The following BCL11B variants were observed in gnomAD, a reference collection of about 807,000 sequenced individuals.
The protein encoded by BCL11B is B-cell lymphoma/leukemia 11B.
Under a neutral mutation model 49.9 loss-of-function variants are expected in BCL11B, and 8 were observed. The observed-to-expected ratio is 0.16, with a 90% confidence interval of 0.09 to 0.29. The LOEUF is 0.29. BCL11B is among the 10% of genes least tolerant of loss of function. The pLI is 1.00. For synonymous variants in BCL11B, 739 were observed against 637.4 expected (o/e 1.16, Z -2.40); for missense variants, 1,006 against 1,351.0 (o/e 0.74, Z 4.00).
In BCL11B at chr14:99,228,659, G is replaced by T. The variant is rs1479458574; in HGVS notation, c.640+2686C>A. Among the ~76,000 whole-genome samples, 1 of 152,158 alleles carries T rather than the reference G, an allele frequency of 6.6e-6. No homozygotes were observed. The highest frequency in any genetic ancestry group is 1.5e-5 in the Non-Finnish European group (1 of 68,030). ...CTCTCAAGGCCTAAAATCTAAAAAGGCCTTTAATGCCAGAAGAAGAGCCAA... is the reference window on the plus strand; with the variant it reads ...CTCTCAAGGCCTAAAATCTAAAAAGTCCTTTAATGCCAGAAGAAGAGCCAA... On this transcript the variant is annotated intron_variant, in intron 3 of 3. Transcript: ENST00000357195. This position sits in a 1 kb window ranked among gnomAD's most constrained non-coding sequence, Gnocchi z 4.8.
At chr14:99,250,566 C>T (rs1459908633) in intron 2 of BCL11B, among the ~76,000 whole-genome samples, 1 of 152,184 alleles carries the variant, frequency 6.6e-6, no homozygotes, top group African/African-American at 2.4e-5. Context: ...CCACTCCTAA[C>T]AGATTCTAGA....
chr14:99,176,227 C>T (rs1199448844), intron 3 of BCL11B, 32 bp from the exon 4 acceptor site: 2 of 1,598,808 alleles, frequency 1.3e-6, no homozygotes, highest in Non-Finnish European at 8.5e-7. Flanking sequence ...AAGGCAGAGA[C>T]AGCGTGAGAA....
At chr14:99,219,231 G>A (rs568948265) in intron 3 of BCL11B, among the ~76,000 whole-genome samples, 3 of 151,904 alleles carry the variant, frequency 2.0e-5, no homozygotes, top group Admixed American at 6.6e-5. Flanking sequence ...AATGGGTTTC[G>A]CCATGTTGCC....
intron 1 of BCL11B, among the ~76,000 whole-genome samples, chr14:99,265,473 TC>T (rs1043920298): frequency 6.6e-6 from 1 of 151,448 alleles, no homozygotes; most frequent in African/African-American, 2.4e-5. Flanking sequence ...TCCCATTCCC[TC>T]CCCCATATAT....
intron 1 of BCL11B, among the ~76,000 whole-genome samples, chr14:99,265,211 T>G (rs1889446965): frequency 6.6e-6 from 1 of 152,236 alleles, no homozygotes; most frequent in Admixed American, 6.5e-5. Context: ...AAAGTGTATC[T>G]ACAGCTAACA....
At chr14:99,254,871 C>CA (rs141015043) in intron 2 of BCL11B, among the ~76,000 whole-genome samples, 3,195 of 152,298 alleles carry the variant, frequency 0.021, 136 homozygotes, top group African/African-American at 0.073. Flanking sequence ...CATGAATTGA[C>CA]ACATTTATTT....
chr14:99,243,355 C>T (rs1460287034), intron 2 of BCL11B, among the ~76,000 whole-genome samples: 3 of 152,132 alleles, frequency 2.0e-5, no homozygotes, highest in Admixed American at 6.5e-5. Flanking sequence ...AAAATTACAC[C>T]CTCTAGAAGA....
chr14:99,175,735 G>T lies in BCL11B; in HGVS notation c.1101C>A (p.Leu367=). The change falls in exon 4 of 4, where the codon CTC becomes CTA. Residue 367 remains leucine (L), a synonymous_variant. Transcript: ENST00000357195. ...DSPAMDFSRR[L]RELAGNSSTP... ...TGGAGCTGTTGCCCGCCAGCTCGCG[G>T]AGCCGCCGCGAGAAGTCCATGGCGG... is the stretch of plus-strand genomic sequence containing the variant. 2 of 1,479,334 alleles carry T rather than the reference G, an allele frequency of 1.4e-6. No individual in the cohort carries two copies. Among genetic ancestry groups the T allele is most frequent in the South Asian group, 2.8e-5 (2 of 72,020 alleles). The allele number at this position is 1,479,334 out of a possible 1,614,324, so 91.6% of individuals were successfully genotyped here. A position where few individuals can be genotyped will look rare whatever the true frequency, so the allele number is the denominator to read the frequency against.
At chr14:99,235,906 TAAAAA>T in intron 2 of BCL11B, among the ~76,000 whole-genome samples, 1 of 151,464 alleles carries the variant, frequency 6.6e-6, no homozygotes, top group Admixed American at 6.6e-5. Context: ...TTAAAAAAAT[TAAAAA>T]AAAGCTCTGG....
chr14:99,261,801 G>GT (rs1889345151), intron 1 of BCL11B, among the ~76,000 whole-genome samples: 1 of 152,204 alleles, frequency 6.6e-6, no homozygotes, highest in Non-Finnish European at 1.5e-5. Context: ...CAGACAACTT[G>GT]TTCGAAAGGC....
intron 2 of BCL11B, among the ~76,000 whole-genome samples, chr14:99,246,283 T>G (rs897179272): frequency 3.9e-5 from 6 of 152,336 alleles, no homozygotes; most frequent in Admixed American, 2.0e-4. Flanking sequence ...CTCAGGCAGC[T>G]GCTCCATTAA....
intron 3 of BCL11B, among the ~76,000 whole-genome samples, chr14:99,204,117 G>A (rs1595243388): frequency 1.3e-5 from 2 of 152,310 alleles, no homozygotes; most frequent in African/African-American, 4.8e-5. Context: ...CGGCCTCAGA[G>A]GGGAAAAGGC....
chr14:99,176,251 G>A (rs1253918313), intron 3 of BCL11B, 56 bp from the exon 4 acceptor site: 4 of 1,522,344 alleles, frequency 2.6e-6, no homozygotes, highest in African/African-American at 2.8e-5. Context: ...GCAGCGGGGC[G>A]CGGGCACCGC....
rs1329376470 is a variant in BCL11B at position 99,169,994 on chromosome 14, T to C, written c.*4157A>G. The C allele has an allele frequency of 4.4e-6, 1 of 228,702 alleles. No homozygotes were observed. Among genetic ancestry groups the C allele is most frequent in the Non-Finnish European group, 8.7e-6 (1 of 115,010 alleles). 14.2% of individuals were successfully genotyped at this position (228,702 alleles called of 1,614,324 possible). ...TCTCTCGGGATCATCTGCTTCCGTG[T>C]TGGTTTTTTAAACACAAAACAGAAG... On this transcript the variant is annotated 3_prime_UTR_variant, in exon 4 of 4. Coordinates refer to ENST00000357195, the MANE Select transcript of BCL11B (RefSeq NM_138576.4).
At chr14:99,244,541 G>A (rs866601603) in intron 2 of BCL11B, among the ~76,000 whole-genome samples, 3 of 152,132 alleles carry the variant, frequency 2.0e-5, no homozygotes. Flanking sequence ...ATATTCAAAG[G>A]CGGATTCTAT....
Position 99,175,649 on chromosome 14 carries a change from T to C in BCL11B, c.1187A>G (p.Gln396Arg). The change falls in exon 4 of 4, where the codon CAG becomes CGG. Residue 396 changes from glutamine to arginine, a missense_variant. By Grantham distance (43) the Gln-to-Arg change is conservative (BLOSUM62 1). Transcript: ENST00000357195. ...NPMHRLLNPF[Q>R]PSPKSPFLST... The stretch of plus-strand genomic sequence containing the variant: ...CAGGAACGGGGACTTGGGGCTGGGC[T>C]GGAAGGGGTTCAGGAGCCGGTGCAT... The C allele has an allele frequency of 6.4e-7, 1 of 1,560,090 alleles. No homozygotes were observed. The highest frequency in any genetic ancestry group is 8.6e-7 in the Non-Finnish European group (1 of 1,163,190).
At chr14:99,193,622 A>G (rs552506364) in intron 3 of BCL11B, among the ~76,000 whole-genome samples, 2 of 152,286 alleles carry the variant, frequency 1.3e-5, no homozygotes, top group African/African-American at 4.8e-5. Flanking sequence ...TTCCCTTCTA[A>G]AAAAATGAAA....
At chr14:99,251,862 C>CT (rs1889018229) in intron 2 of BCL11B, among the ~76,000 whole-genome samples, 1 of 152,218 alleles carries the variant, frequency 6.6e-6, no homozygotes, top group Admixed American at 6.5e-5. Context: ...CCCCAAAATC[C>CT]TCCACACCCC....
rs868767197 is a variant in BCL11B, at chr14:99,229,059, G to A, written c.640+2286C>T. On this transcript the variant is annotated intron_variant, in intron 3 of 3. Coordinates refer to ENST00000357195, the MANE Select transcript of BCL11B (RefSeq NM_138576.4). ...GGATGGATGCATGGATGGATGGATG[G>A]ATGGATGGATGGATGGATGGATGGA... is the stretch of plus-strand genomic sequence containing the variant. Among the ~76,000 whole-genome samples the A allele has an allele frequency of 1.2e-4, 18 of 145,130 alleles. No homozygotes were observed. In the East Asian group the frequency reaches 3.4e-3, roughly 27 times the overall value.
Sources: gnomAD v4.1 joint callset for allele counts (sites outside exome capture counted in the v4.1 genomes callset) on GRCh38, gnomAD v4.1.1 for gene constraint, Gnocchi (gnomAD v3.1) non-coding constraint, MANE v1.5 for transcripts, NCBI Gene and HGNC (gene_info 2026-07-23, HGNC 2026-07-21) for gene names.